The following RPH3A variants were observed in gnomAD, a reference collection of about 807,000 sequenced individuals.
RPH3A encodes the protein rabphilin-3A.
RPH3A carries 48 observed loss-of-function variants against 102.2 expected under a neutral mutation model. The ratio of observed to expected loss-of-function variants is 0.47; its 90% confidence interval spans 0.37 to 0.60. The LOEUF is 0.60. RPH3A is among the 20% of genes least tolerant of loss of function. The probability of loss-of-function intolerance (pLI) is 0.00; values close to 1 mark genes in which losing one functional copy is unlikely to be tolerated. For synonymous variants in RPH3A, 310 were observed against 324.3 expected, an observed-to-expected ratio of 0.96 and a Z score of 0.47; for missense variants, 781 against 910.1, an observed-to-expected ratio of 0.86 and a Z score of 1.83.
intron 1 of RPH3A, among the ~76,000 whole-genome samples, chr12:112,785,249 C>T (rs891380212): frequency 6.8e-6 from 1 of 147,398 alleles, no homozygotes; most frequent in South Asian, 2.2e-4. Flanking sequence ...AAAAAAGATA[C>T]AGCTGCATGG....
chr12:112,752,025 G>C (rs1207010720), intron 1 of RPH3A, among the ~76,000 whole-genome samples: 1 of 152,180 alleles, frequency 6.6e-6, no homozygotes, highest in African/African-American at 2.4e-5. Flanking sequence ...GTGTACCCCA[G>C]TGTTAAGATT....
At chr12:112,681,062 C>T (rs1429196538) in intron 1 of RPH3A, among the ~76,000 whole-genome samples, 2 of 152,182 alleles carry the variant, frequency 1.3e-5, no homozygotes, top group Non-Finnish European at 1.5e-5. Flanking sequence ...CTGGATTCCT[C>T]TCTGCCTACT....
At chr12:112,743,782 A>G (rs1034709192) in intron 1 of RPH3A, among the ~76,000 whole-genome samples, 3 of 152,194 alleles carry the variant, frequency 2.0e-5, no homozygotes, top group Admixed American at 1.3e-4. Context: ...TGTTCCAGTA[A>G]GAGGAGGCTT....
chr12:112,795,593 C>G (rs1242871068), intron 2 of RPH3A, among the ~76,000 whole-genome samples: 8 of 152,140 alleles, frequency 5.3e-5, no homozygotes, highest in South Asian at 2.1e-4. Flanking sequence ...CTGGCATTTC[C>G]TTGCTGTGTG....
At chr12:112,669,232 C>T (rs946879363) in intron 1 of RPH3A, among the ~76,000 whole-genome samples, 2 of 152,198 alleles carry the variant, frequency 1.3e-5, no homozygotes, top group Non-Finnish European at 2.9e-5. Context: ...AGCAGTGGTC[C>T]TGAAAATGAC....
intron 1 of RPH3A, among the ~76,000 whole-genome samples, chr12:112,689,864 A>AC (rs1225859966): frequency 6.6e-6 from 1 of 152,038 alleles, no homozygotes; most frequent in Non-Finnish European, 1.5e-5. Flanking sequence ...AGGTAATGAA[A>AC]CCTTAAGCTC....
rs184799287 is a variant in RPH3A at position 112,590,300 on chromosome 12, G to A, written c.-140+14981G>A. 2.8e-4 allele frequency among the ~76,000 whole-genome samples: 43 copies of A among 152,300 alleles called. 1 individual carries two copies. Among genetic ancestry groups the A allele is most frequent in the African/African-American group, 9.6e-4 (40 of 41,572 alleles). On this transcript the variant is annotated intron_variant, in intron 1 of 21. Transcript: ENST00000543106. ...GCTGGAGTGGCATTTCAGTGTGGCTGTTTCCACTGAGCTCTTGCAGCCACC... is the reference window on the plus strand; with the variant it reads ...GCTGGAGTGGCATTTCAGTGTGGCTATTTCCACTGAGCTCTTGCAGCCACC...
intron 2 of RPH3A, among the ~76,000 whole-genome samples, chr12:112,817,248 C>G (rs967453321): frequency 1.3e-5 from 2 of 152,220 alleles, no homozygotes; most frequent in Middle Eastern, 3.4e-3. Context: ...CTCTTTTTAG[C>G]CCTGTTTCCC....
chr12:112,785,503 T>C (rs974561958), intron 1 of RPH3A, among the ~76,000 whole-genome samples: 1 of 152,170 alleles, frequency 6.6e-6, no homozygotes, highest in Non-Finnish European at 1.5e-5. Flanking sequence ...CAGCACAATG[T>C]GTATCACTCA....
Position 112,896,838 on chromosome 12 carries a change from C to T in RPH3A, c.*58C>T. The T allele has an allele frequency of 6.3e-7, 1 of 1,593,996 alleles. No homozygotes were observed. Among genetic ancestry groups the T allele is most frequent in the Non-Finnish European group, 8.6e-7 (1 of 1,165,864 alleles). On this transcript the variant is annotated 3_prime_UTR_variant, in exon 22 of 22. Transcript: ENST00000389385. ...GGTCCCCCCCAGCCTGCTCTAGCTG[C>T]CCACCGCACCCTGATCTCTCTTCTC... is the stretch of plus-strand genomic sequence containing the variant.
intron 2 of RPH3A, among the ~76,000 whole-genome samples, chr12:112,822,683 T>C (rs1190058317): frequency 6.6e-6 from 1 of 152,200 alleles, no homozygotes; most frequent in Non-Finnish European, 1.5e-5. Flanking sequence ...TGCTTATTAT[T>C]AGACGTTTAG....
intron 1 of RPH3A, among the ~76,000 whole-genome samples, chr12:112,634,043 G>A (rs532440161): frequency 1.3e-5 from 2 of 152,136 alleles, no homozygotes; most frequent in Non-Finnish European, 2.9e-5. Context: ...CATGTTTAAT[G>A]CCAATTTAAA....
intron 1 of RPH3A, among the ~76,000 whole-genome samples, chr12:112,753,291 C>T (rs573531942): frequency 3.9e-5 from 6 of 152,192 alleles, no homozygotes; most frequent in Non-Finnish European, 7.3e-5. Flanking sequence ...TTTGTACCCA[C>T]GTCAAATCCT....
intron 2 of RPH3A, among the ~76,000 whole-genome samples, chr12:112,810,967 A>C (rs73198776): frequency 8.8e-6 from 1 of 113,330 alleles, no homozygotes; most frequent in Admixed American, 8.6e-5. Flanking sequence ...GTGTACATAT[A>C]TGTGTGTGTG....
intron 5 of RPH3A, chr12:112,851,008 G>C (rs2042314072): frequency 6.6e-6 from 1 of 152,174 alleles, no homozygotes; most frequent in African/African-American, 2.4e-5. Context: ...GTCCCTTACT[G>C]GGTCCAGACA....
intron 1 of RPH3A, among the ~76,000 whole-genome samples, chr12:112,780,732 CT>C (rs2041002086): frequency 6.6e-6 from 1 of 152,192 alleles, no homozygotes; most frequent in Non-Finnish European, 1.5e-5. Context: ...GATGGAGTGT[CT>C]CAGAACCTCT....
chr12:112,890,192 C>A, intron 18 of RPH3A, 112 bp downstream of exon 18: 1 of 944,824 alleles, frequency 1.1e-6, no homozygotes, highest in Non-Finnish European at 1.7e-6. Flanking sequence ...CTTCCAACCA[C>A]CCCCCTGTTG....
chr12:112,584,205 G>T (rs1441074489), intron 1 of RPH3A, among the ~76,000 whole-genome samples: 1 of 151,932 alleles, frequency 6.6e-6, no homozygotes, highest in Non-Finnish European at 1.5e-5. Context: ...CTGAGACTTT[G>T]TATTTTGGGG....
chr12:112,693,452 A>T (rs967398839), intron 1 of RPH3A, among the ~76,000 whole-genome samples: 5 of 152,202 alleles, frequency 3.3e-5, no homozygotes, highest in Non-Finnish European at 7.3e-5. Flanking sequence ...TTCATCCAAC[A>T]TCTCATCCTT....
Sources: allele counts gnomAD v4.1 joint callset (sites outside exome capture counted in the v4.1 genomes callset), GRCh38; gene constraint gnomAD v4.1.1; transcripts MANE v1.5; gene names NCBI Gene and HGNC (gene_info 2026-07-23, HGNC 2026-07-21).